The following ZNF143 variants were observed in gnomAD, a reference collection of about 807,000 sequenced individuals.
The protein encoded by ZNF143 is zinc finger protein 143, also known as SPH-binding factor.
ZNF143 carries 49 observed loss-of-function variants against 74.1 expected under a neutral mutation model. The ratio of observed to expected loss-of-function variants is 0.66; its 90% CI spans 0.53 to 0.84. ZNF143 has a LOEUF of 0.84. Ranked by LOEUF, ZNF143 falls within the 40% of genes least tolerant of loss-of-function variation. ZNF143 has a pLI of 0.00. For synonymous variants in ZNF143, 304 were observed against 282.8 expected (o/e 1.07, Z -0.75); for missense variants, 637 against 793.4 (o/e 0.80, Z 2.37).
At chr11:9,479,818 GTTGTGGAGA>G (rs1847167062) in intron 7 of ZNF143, among the ~76,000 whole-genome samples, 1 of 152,228 alleles carries the variant, frequency 6.6e-6, no homozygotes, top group Non-Finnish European at 1.5e-5. Context: ...GGACAAGGCA[GTTGTGGAGA>G]CCAGGTGACT....
chr11:9,500,100 C>T (rs1848103607), intron 10 of ZNF143, among the ~76,000 whole-genome samples: 1 of 152,112 alleles, frequency 6.6e-6, no homozygotes, highest in African/African-American at 2.4e-5. Flanking sequence ...TGCACCACTA[C>T]ACCCAGCTAA....
chr11:9,501,852 G>A (rs1848170785), intron 11 of ZNF143, among the ~76,000 whole-genome samples: 1 of 149,508 alleles, frequency 6.7e-6, no homozygotes, highest in Non-Finnish European at 1.5e-5. Context: ...GTGTTGTGCT[G>A]TCAAAGTTAA....
Position 9,500,910 on chromosome 11 carries a change from G to A in ZNF143, c.968-181G>A, listed in dbSNP as rs191746612. Among the ~76,000 whole-genome samples, 33 of 152,180 alleles carry A rather than the reference G, an allele frequency of 2.2e-4. 1 individual carries two copies. In the East Asian group the frequency reaches 6.0e-3, roughly 28 times the overall value. On this transcript the variant is annotated intron_variant, in intron 10 of 15. Transcript: ENST00000396602. ...AATACCATTCCCAGTTTCTTATGTA[G>A]ATTTAAGTTTGGAGTGGAAGATGCT... is the stretch of plus-strand genomic sequence containing the variant.
At chr11:9,464,688 G>A (rs1856089327) in intron 1 of ZNF143, among the ~76,000 whole-genome samples, 1 of 152,050 alleles carries the variant, frequency 6.6e-6, no homozygotes, top group Admixed American at 6.6e-5. Context: ...TTGGGAGGCC[G>A]AGGTGGGTGG....
intron 9 of ZNF143, among the ~76,000 whole-genome samples, chr11:9,497,231 AT>A (rs887981038): frequency 2.2e-4 from 34 of 152,088 alleles, no homozygotes; most frequent in Admixed American, 6.6e-5. Flanking sequence ...ACTTTTGTAC[AT>A]TTTTTTGTTT....
chr11:9,492,814 G>A (rs1546), intron 7 of ZNF143, among the ~76,000 whole-genome samples: 7,680 of 152,088 alleles, frequency 0.05, 266 homozygotes, highest in South Asian at 0.076. Flanking sequence ...TAGACTAATA[G>A]GGAAGAAAAG....
At chr11:9,471,516 C>A in intron 2 of ZNF143, 96 bp downstream of exon 2, 7 of 820,050 alleles carry the variant, frequency 8.5e-6, no homozygotes, top group Admixed American at 3.5e-5. Context: ...TAGCAGAAAA[C>A]AATATAAACC....
intron 14 of ZNF143, among the ~76,000 whole-genome samples, chr11:9,523,627 G>T (rs1849018982): frequency 6.6e-6 from 1 of 152,052 alleles, no homozygotes; most frequent in African/African-American, 2.4e-5. Flanking sequence ...CCAGCTACTC[G>T]GGAGGCTGAG....
chr11:9,475,705 T>C (rs1188705052), intron 5 of ZNF143, among the ~76,000 whole-genome samples: 1 of 152,022 alleles, frequency 6.6e-6, no homozygotes, highest in Non-Finnish European at 1.5e-5. Context: ...AGCCTGGCCA[T>C]GCAAAACCCT....
intron 11 of ZNF143, among the ~76,000 whole-genome samples, chr11:9,506,004 A>G (rs1589926392): frequency 6.6e-6 from 1 of 152,030 alleles, no homozygotes; most frequent in South Asian, 2.1e-4. Context: ...ATGGGCTGGG[A>G]AAACATTATT....
chr11:9,510,725 G>A (rs1848511835), intron 12 of ZNF143, among the ~76,000 whole-genome samples: 1 of 149,806 alleles, frequency 6.7e-6, no homozygotes, highest in Non-Finnish European at 1.5e-5. Flanking sequence ...TGTCCTTTGA[G>A]GGGGAAACAT....
intron 14 of ZNF143, among the ~76,000 whole-genome samples, chr11:9,523,549 C>T (rs548129000): frequency 2.8e-4 from 42 of 150,502 alleles, no homozygotes; most frequent in Non-Finnish European, 5.0e-4. Flanking sequence ...CTGGCTAACA[C>T]GGTGAAACCC....
At chr11:9,524,061 A>AC (rs1218962935) in intron 14 of ZNF143, among the ~76,000 whole-genome samples, 2 of 151,732 alleles carry the variant, frequency 1.3e-5, no homozygotes, top group Non-Finnish European at 2.9e-5. Flanking sequence ...AAAAAAAAAA[A>AC]AAAAGGATTT....
intron 7 of ZNF143, among the ~76,000 whole-genome samples, chr11:9,485,178 T>C (rs1006044598): frequency 6.6e-6 from 1 of 151,184 alleles, no homozygotes; most frequent in Non-Finnish European, 1.5e-5. Context: ...AAATGACCCG[T>C]AATCTTACTC....
intron 1 of ZNF143, among the ~76,000 whole-genome samples, chr11:9,467,749 A>C (rs922073080): frequency 2.1e-4 from 32 of 150,992 alleles, no homozygotes; most frequent in African/African-American, 7.8e-4. Flanking sequence ...CAGGAGGCTG[A>C]GACAGAACTG....
intron 1 of ZNF143, among the ~76,000 whole-genome samples, chr11:9,468,366 T>C (rs1856370147): frequency 6.6e-6 from 1 of 152,240 alleles, no homozygotes; most frequent in Non-Finnish European, 1.5e-5. Flanking sequence ...CAGGTATTTT[T>C]AGCTTTAAGC....
At chr11:9,501,573 A>T (rs56674548) in intron 11 of ZNF143, among the ~76,000 whole-genome samples, 8,375 of 152,194 alleles carry the variant, frequency 0.055, 696 homozygotes, top group African/African-American at 0.18. Context: ...TATGGACAAG[A>T]TGCTGTGGGA....
Position 9,471,380 on chromosome 11 carries a change from A to G in ZNF143, c.72A>G (p.Gln24=), listed in dbSNP as rs762927568. ...TEFPGGGMEA[Q]HVTLCLTEAV... ...TTCCTGGAGGAGGGATGGAGGCGCA[A>G]CATGTTACGCTGTGCTTGACAGAGG... Residue 24 remains glutamine (Q), a synonymous_variant, in exon 2 of 16, where the codon CAA becomes CAG. Coordinates refer to ENST00000396602, the MANE Select transcript of ZNF143 (RefSeq NM_003442.6). 6 of 1,612,874 alleles carry G rather than the reference A, an allele frequency of 3.7e-6. No individual in the cohort carries two copies. Among genetic ancestry groups the G allele is most frequent in the Admixed American group, 1.7e-5 (1 of 59,790 alleles).
chr11:9,515,402 C>T (rs113545567), intron 13 of ZNF143, among the ~76,000 whole-genome samples: 121 of 152,188 alleles, frequency 8.0e-4, no homozygotes, highest in Admixed American at 3.7e-3. Context: ...GTAATCCCAG[C>T]ACTTTGGGAG....
Sources: gnomAD v4.1 joint callset for allele counts (sites outside exome capture counted in the v4.1 genomes callset) on GRCh38, gnomAD v4.1.1 for gene constraint, MANE v1.5 for transcripts, NCBI Gene and HGNC (gene_info 2026-07-23, HGNC 2026-07-21) for gene names.